PPM1H: variants seen among roughly 807,000 people sequenced by gnomAD.
PPM1H encodes the protein protein phosphatase 1H.
A neutral mutation model predicts 54.9 loss-of-function variants in PPM1H; 27 were observed. That is an observed-to-expected ratio of 0.49 (90% CI 0.36 to 0.68). The LOEUF (loss-of-function observed/expected upper bound fraction) is 0.68. Among genes scored for constraint, PPM1H ranks in the 30% least tolerant of loss-of-function variants. The pLI is 0.00. For synonymous variants in PPM1H, 305 were observed against 270.8 expected (o/e 1.13, Z -1.24); for missense variants, 596 against 667.8 (o/e 0.89, Z 1.19).
chr12:62,910,750 A>G (rs1320428852), intron 1 of PPM1H, among the ~76,000 whole-genome samples: 1 of 152,178 alleles, frequency 6.6e-6, no homozygotes, highest in Non-Finnish European at 1.5e-5. Flanking sequence ...ATGCATTAAC[A>G]ACTGTTATCT....
At chr12:62,756,264 G>A (rs986168724) in intron 4 of PPM1H, 37 of 663,892 alleles carry the variant, frequency 5.6e-5, no homozygotes, top group Middle Eastern at 4.1e-4. Flanking sequence ...CAGCGAGAGC[G>A]AGAGAGGAAG....
At position 62,649,753 on chromosome 12, in the gene PPM1H, C is replaced by T. The variant is rs569259215; in HGVS notation, c.1398-1117G>A. Among the ~76,000 whole-genome samples the T allele has an allele frequency of 3.3e-5, 5 of 152,212 alleles. No homozygotes were observed. The South Asian group carries it at 1.0e-3, about 32-fold the overall frequency. On this transcript the variant is annotated intron_variant, in intron 9 of 9. Transcript: ENST00000228705. ...CTAGTCGTTTTTACTTTAAGAATAT[C>T]CATCAGTTATATTTCTTTGCTTAAA...
chr12:62,860,119 C>T (rs1306726824), intron 1 of PPM1H, among the ~76,000 whole-genome samples: 1 of 152,124 alleles, frequency 6.6e-6, no homozygotes, highest in African/African-American at 2.4e-5. Context: ...AGGAAGCCTA[C>T]AATCGAGTCA....
intron 1 of PPM1H, among the ~76,000 whole-genome samples, chr12:62,913,010 A>G (rs1871507340): frequency 6.6e-6 from 1 of 152,230 alleles, no homozygotes; most frequent in African/African-American, 2.4e-5. Context: ...GCTCATGCAA[A>G]GCATATGGTA....
At chr12:62,832,385 C>T (rs1868379916) in intron 1 of PPM1H, 106 bp from the exon 2 acceptor site, 4 of 1,062,232 alleles carry the variant, frequency 3.8e-6, no homozygotes, top group Non-Finnish European at 4.1e-6. Flanking sequence ...CCCAGAACTA[C>T]AGCCCTGCTT....
intron 6 of PPM1H, 22 bp downstream of exon 6, chr12:62,720,149 G>T (rs767160599): frequency 8.0e-5 from 123 of 1,541,970 alleles, no homozygotes; most frequent in Non-Finnish European, 1.1e-4. Flanking sequence ...TGGTTCCGAG[G>T]CAGAGGAAGG....
chr12:62,847,422 G>A (rs1869016101), intron 1 of PPM1H, among the ~76,000 whole-genome samples: 1 of 152,158 alleles, frequency 6.6e-6, no homozygotes, highest in Non-Finnish European at 1.5e-5. Flanking sequence ...GTGAAGGTAG[G>A]GGTAGAAACT....
intron 9 of PPM1H, among the ~76,000 whole-genome samples, chr12:62,660,254 G>A (rs1369365060): frequency 6.6e-6 from 1 of 152,172 alleles, no homozygotes; most frequent in Non-Finnish European, 1.5e-5. Context: ...ACACAGGTAT[G>A]TACAAAGATG....
rs3052402 is a variant in PPM1H, at chr12:62,748,529, AACACACACAC to A, written c.870-10953_870-10944del. Among the ~76,000 whole-genome samples, 236 of 147,378 alleles carry A rather than the reference AACACACACAC, an allele frequency of 1.6e-3. 1 individual carries two copies. The highest frequency in any genetic ancestry group is 3.8e-3 in the African/African-American group (153 of 39,852). On this transcript the variant is annotated intron_variant, in intron 4 of 9. Transcript: ENST00000228705. ...TGTAGTTAAATGTGTTTCAGTGTAGAACACACACACACACACACACACACACACACACACA... is the reference window on the plus strand; with the variant it reads ...TGTAGTTAAATGTGTTTCAGTGTAGAACACACACACACACACACACACACA...
intron 1 of PPM1H, among the ~76,000 whole-genome samples, chr12:62,904,540 G>C (rs1312194876): frequency 6.6e-6 from 1 of 152,090 alleles, no homozygotes; most frequent in Non-Finnish European, 1.5e-5. Context: ...CGGCTTCATG[G>C]GCCCTTCTAA....
chr12:62,933,425 G>T (rs1240107902), intron 1 of PPM1H, among the ~76,000 whole-genome samples: 2 of 152,102 alleles, frequency 1.3e-5, no homozygotes, highest in Non-Finnish European at 2.9e-5. Flanking sequence ...TTGGTTCCCG[G>T]ACGAACCAAT....
intron 1 of PPM1H, among the ~76,000 whole-genome samples, chr12:62,902,555 G>C (rs1185997396): frequency 2.0e-5 from 3 of 152,162 alleles, no homozygotes; most frequent in Non-Finnish European, 4.4e-5. Context: ...AGGCTCTCAT[G>C]GGGTCCCCCC....
intron 4 of PPM1H, among the ~76,000 whole-genome samples, chr12:62,778,929 C>T (rs937309028): frequency 7.5e-6 from 1 of 133,048 alleles, no homozygotes; most frequent in South Asian, 2.3e-4. Flanking sequence ...GACTCTGTCT[C>T]GAAAGGAAAG....
intron 4 of PPM1H, among the ~76,000 whole-genome samples, chr12:62,778,710 G>A (rs558499109): frequency 3.0e-4 from 45 of 152,262 alleles, no homozygotes; most frequent in South Asian, 2.3e-3. Flanking sequence ...TAACACTTTG[G>A]GAGGCGAGGC....
Position 62,844,060 on chromosome 12 carries a change from A to G in PPM1H, c.246-11781T>C, listed in dbSNP as rs529642419. On this transcript the variant is annotated intron_variant, in intron 1 of 9. Transcript: ENST00000228705. This position sits in a 1 kb window ranked among gnomAD's most constrained non-coding sequence, Gnocchi z 5.2. ...TACCCTAAGGAAGCTAGAAAGTACA[A>G]TAAGACTTTGCCTTTGTCAACCTTA... 2.0e-5 allele frequency among the ~76,000 whole-genome samples: 3 copies of G among 152,334 alleles called. No individual in the cohort carries two copies. The highest frequency in any genetic ancestry group is 3.9e-4 in the East Asian group (2 of 5,190).
At chr12:62,913,311 C>T (rs193067872) in intron 1 of PPM1H, among the ~76,000 whole-genome samples, 6 of 152,232 alleles carry the variant, frequency 3.9e-5, no homozygotes, top group East Asian at 1.9e-4. Context: ...GAGTGAGCAG[C>T]GACAATTACT....
intron 1 of PPM1H, among the ~76,000 whole-genome samples, chr12:62,931,674 A>G (rs1872138820): frequency 6.6e-6 from 1 of 152,192 alleles, no homozygotes; most frequent in Non-Finnish European, 1.5e-5. Context: ...GGGTTCACAC[A>G]CAGGCTTGAC....
At chr12:62,704,518 T>G (rs2076162515) in intron 6 of PPM1H, among the ~76,000 whole-genome samples, 1 of 152,240 alleles carries the variant, frequency 6.6e-6, no homozygotes, top group African/African-American at 2.4e-5. Context: ...CCTTGTTTTC[T>G]TTCTTTGGTC....
chr12:62,859,529 C>T (rs1869520780), intron 1 of PPM1H, among the ~76,000 whole-genome samples: 1 of 152,198 alleles, frequency 6.6e-6, no homozygotes, highest in African/African-American at 2.4e-5. Flanking sequence ...TTCACATCTG[C>T]AGCTAGTAAT....
Sources: gnomAD v4.1 joint callset for allele counts (sites outside exome capture counted in the v4.1 genomes callset) on GRCh38, gnomAD v4.1.1 for gene constraint, Gnocchi (gnomAD v3.1) non-coding constraint, MANE v1.5 for transcripts, NCBI Gene and HGNC (gene_info 2026-07-23, HGNC 2026-07-21) for gene names.